The following LIN28B variants were observed in gnomAD, a reference collection of about 807,000 sequenced individuals.
LIN28B encodes the protein protein lin-28 homolog B.
In LIN28B, 5 loss-of-function variants were observed where a neutral mutation model predicts 21.9. That is an observed-to-expected ratio of 0.23 (90% confidence interval 0.12 to 0.48). LIN28B has a LOEUF of 0.48. Among genes scored for constraint, LIN28B ranks in the 20% least tolerant of loss-of-function variants. The pLI, the probability that LIN28B is intolerant of heterozygous loss-of-function variation, is 0.98. For missense variants in LIN28B, 245 were observed against 310.5 expected (o/e 0.79, Z 1.58); for synonymous variants, 109 against 111.3 (o/e 0.98, Z 0.13).
chr6:105,036,352 A>G (rs567198438), intron 3 of LIN28B, among the ~76,000 whole-genome samples: 1 of 152,222 alleles, frequency 6.6e-6, no homozygotes, highest in South Asian at 2.1e-4. Context: ...AAATTAGTAA[A>G]ACCAGTAGAA....
intron 3 of LIN28B, among the ~76,000 whole-genome samples, chr6:105,067,774 C>G (rs1225689661): frequency 6.6e-6 from 1 of 152,168 alleles, no homozygotes; most frequent in African/African-American, 2.4e-5. Flanking sequence ...GACACAGAAT[C>G]TACCAAGTAC....
intron 2 of LIN28B, among the ~76,000 whole-genome samples, chr6:104,990,569 A>T (rs1480839875): frequency 1.8e-4 from 26 of 142,760 alleles, no homozygotes; most frequent in African/African-American, 4.6e-4. Flanking sequence ...TTTATTTTTT[A>T]TTTTTTTTTT....
chr6:105,029,916 T>C (rs1278430197), intron 3 of LIN28B, among the ~76,000 whole-genome samples: 1 of 152,164 alleles, frequency 6.6e-6, no homozygotes, highest in Non-Finnish European at 1.5e-5. Context: ...AGGTGGTAAG[T>C]AAACACATGG....
intron 3 of LIN28B, among the ~76,000 whole-genome samples, chr6:105,070,280 G>C (rs1338923301): frequency 6.6e-6 from 1 of 152,130 alleles, no homozygotes; most frequent in Non-Finnish European, 1.5e-5. Context: ...AAATGATTCT[G>C]AGTCACTGGT....
At chr6:104,986,578 C>G (rs939182940) in intron 2 of LIN28B, among the ~76,000 whole-genome samples, 1 of 148,326 alleles carries the variant, frequency 6.7e-6, no homozygotes, top group African/African-American at 2.5e-5. Flanking sequence ...ATTGTGAATG[C>G]TTTACATTTG....
chr6:105,052,078 G>C (rs1452283761), intron 3 of LIN28B, among the ~76,000 whole-genome samples: 1 of 152,094 alleles, frequency 6.6e-6, no homozygotes, highest in East Asian at 1.9e-4. Context: ...AAAGATCTGG[G>C]GGAAGTGATT....
chr6:104,951,527 A>G (rs1390050962), intron 3 of LIN28B, among the ~76,000 whole-genome samples: 1 of 151,926 alleles, frequency 6.6e-6, no homozygotes, highest in African/African-American at 2.4e-5. Context: ...TCATTTATTA[A>G]TTTTTTATTT....
intron 2 of LIN28B, among the ~76,000 whole-genome samples, chr6:104,946,635 T>TA (rs1335013946): frequency 7.2e-5 from 11 of 152,146 alleles, no homozygotes; most frequent in African/African-American, 2.7e-4. Flanking sequence ...ACTCTGGTGT[T>TA]AGTGTAATAT....
At chr6:105,066,156 C>A (rs987405768) in intron 3 of LIN28B, among the ~76,000 whole-genome samples, 3 of 152,062 alleles carry the variant, frequency 2.0e-5, no homozygotes, top group Non-Finnish European at 4.4e-5. Context: ...CTGGGTGACA[C>A]AGCAAGACTC....
At chr6:105,041,743 G>C (rs749866073) in intron 3 of LIN28B, among the ~76,000 whole-genome samples, 26 of 152,110 alleles carry the variant, frequency 1.7e-4, no homozygotes, top group African/African-American at 6.0e-4. Context: ...CATCACATGG[G>C]ATCTTGCTTA....
At chr6:105,039,309 ATTGT>A (rs1771585312) in intron 3 of LIN28B, among the ~76,000 whole-genome samples, 1 of 152,202 alleles carries the variant, frequency 6.6e-6, no homozygotes, top group African/African-American at 2.4e-5. Flanking sequence ...TACTTAGAGC[ATTGT>A]TTGTAGTAAC....
chr6:104,961,337 AAC>A (rs1432618134), intron 2 of LIN28B, among the ~76,000 whole-genome samples: 1 of 152,202 alleles, frequency 6.6e-6, no homozygotes, highest in African/African-American at 2.4e-5. Context: ...GAGTAATACA[AAC>A]ACAGATTTGT....
chr6:105,078,799 T>G lies in LIN28B; in HGVS notation c.*16T>G, dbSNP rs745471808. 1.9e-6 allele frequency: 3 copies of G among 1,602,128 alleles called. No homozygotes were observed. The highest frequency in any genetic ancestry group is 2.6e-6 in the Non-Finnish European group (3 of 1,172,528). Reference sequence around the variant, plus strand: ...AAAGACATAACAGGTCTTCTTCATATGTTCTTTCCTTTACCCGGTTGCAAA... The same window carrying G: ...AAAGACATAACAGGTCTTCTTCATAGGTTCTTTCCTTTACCCGGTTGCAAA... On this transcript the variant is annotated 3_prime_UTR_variant, in exon 4 of 4. Transcript: ENST00000345080.
intron 2 of LIN28B, among the ~76,000 whole-genome samples, chr6:104,944,410 G>A (rs1356007066): frequency 6.6e-6 from 1 of 152,000 alleles, no homozygotes; most frequent in African/African-American, 2.4e-5. Flanking sequence ...CTTGATATTT[G>A]CAATTTTTGA....
intron 2 of LIN28B, 144 bp from the exon 3 acceptor site, chr6:105,026,154 T>G (rs1352240620): frequency 8.8e-6 from 4 of 454,128 alleles, no homozygotes; most frequent in Non-Finnish European, 1.1e-5. Flanking sequence ...TTTAAAATGG[T>G]ATATGTTTCA....
At chr6:105,001,110 T>G (rs545901168) in intron 2 of LIN28B, among the ~76,000 whole-genome samples, 3 of 152,326 alleles carry the variant, frequency 2.0e-5, no homozygotes, top group African/African-American at 7.2e-5. Flanking sequence ...CATATGCAGA[T>G]AGTAAACAAG....
intron 3 of LIN28B, among the ~76,000 whole-genome samples, chr6:105,031,417 G>A (rs2114349737): frequency 6.6e-6 from 1 of 152,100 alleles, no homozygotes; most frequent in Non-Finnish European, 1.5e-5. Flanking sequence ...TGATGTACCA[G>A]AAAGCTAGAA....
chr6:104,946,997 G>C (rs956481344), intron 2 of LIN28B, among the ~76,000 whole-genome samples: 11 of 152,034 alleles, frequency 7.2e-5, no homozygotes, highest in Admixed American at 1.3e-4. Flanking sequence ...AGTAAATTTT[G>C]CATTTGTTAG....
intron 2 of LIN28B, among the ~76,000 whole-genome samples, chr6:104,999,898 T>C (rs1770685791): frequency 6.6e-6 from 1 of 152,158 alleles, no homozygotes; most frequent in Non-Finnish European, 1.5e-5. Flanking sequence ...CAAGCAGGTC[T>C]TGAACTCCCA....
Sources: allele counts gnomAD v4.1 joint callset (sites outside exome capture counted in the v4.1 genomes callset), GRCh38; gene constraint gnomAD v4.1.1; transcripts MANE v1.5; gene names NCBI Gene and HGNC (gene_info 2026-07-23, HGNC 2026-07-21).